RUNX1: variants seen among roughly 807,000 people sequenced by gnomAD.
The protein encoded by RUNX1 is RUNX family transcription factor 1, also known as runt-related transcription factor 1.
A neutral mutation model predicts 42.8 loss-of-function variants in RUNX1; 19 were observed. That is an observed-to-expected ratio of 0.44 (90% CI 0.31 to 0.65). The LOEUF is 0.65. RUNX1 is among the 30% of genes least tolerant of loss of function. RUNX1 has a pLI of 0.07. For synonymous variants in RUNX1, 271 were observed against 289.4 expected, an observed-to-expected ratio of 0.94 and a Z score of 0.64; for missense variants, 528 against 672.0, an observed-to-expected ratio of 0.79 and a Z score of 2.37.
chr21:34,910,858 G>T (rs1225367403), intron 2 of RUNX1, among the ~76,000 whole-genome samples: 1 of 151,842 alleles, frequency 6.6e-6, no homozygotes, highest in African/African-American at 2.4e-5. Context: ...GCAGGCTCCA[G>T]CTCCTGGGTT....
At chr21:34,915,870 T>C (rs2058308250) in intron 2 of RUNX1, among the ~76,000 whole-genome samples, 1 of 152,218 alleles carries the variant, frequency 6.6e-6, no homozygotes, top group South Asian at 2.1e-4. Context: ...GTGCTGAATA[T>C]CAACAGCCTC....
chr21:34,922,677 GT>G (rs2058362671), intron 2 of RUNX1, among the ~76,000 whole-genome samples: 2 of 152,146 alleles, frequency 1.3e-5, no homozygotes, highest in South Asian at 4.1e-4. Context: ...GCCTGCTGGA[GT>G]CCCCCCTGGT....
intron 2 of RUNX1, among the ~76,000 whole-genome samples, chr21:34,965,078 T>A (rs574695593): frequency 1.3e-5 from 2 of 151,754 alleles, no homozygotes; most frequent in African/African-American, 4.8e-5. Flanking sequence ...ACATGCTACA[T>A]CCACACATAC....
intron 2 of RUNX1, among the ~76,000 whole-genome samples, chr21:34,972,913 C>G (rs1457585163): frequency 6.6e-6 from 1 of 152,138 alleles, no homozygotes; most frequent in African/African-American, 2.4e-5. Flanking sequence ...GATCATTAAT[C>G]TATTATTTTT....
In RUNX1 at chr21:34,920,335, C is replaced by T. The variant is rs903510537; in HGVS notation, c.59-27372G>A. ...GGCAAATTATGGCCATTATTAGAGACGGTGATTGTCCCATTTCTGCACAAT... is the reference window on the plus strand; with the variant it reads ...GGCAAATTATGGCCATTATTAGAGATGGTGATTGTCCCATTTCTGCACAAT... On this transcript the variant is annotated intron_variant, in intron 2 of 8. Transcript: ENST00000675419. 3.2e-4 allele frequency among the ~76,000 whole-genome samples: 48 copies of T among 152,232 alleles called. 1 individual carries two copies. The highest frequency in any genetic ancestry group is 2.8e-3 in the Admixed American group (43 of 15,286).
At chr21:34,906,221 C>T (rs572764978) in intron 2 of RUNX1, among the ~76,000 whole-genome samples, 11 of 152,230 alleles carry the variant, frequency 7.2e-5, no homozygotes, top group Admixed American at 5.9e-4. Context: ...CAGCAGCCTA[C>T]GAATGCATTA....
At chr21:34,928,615 G>T (rs1347785970) in intron 2 of RUNX1, among the ~76,000 whole-genome samples, 1 of 151,838 alleles carries the variant, frequency 6.6e-6, no homozygotes, top group Non-Finnish European at 1.5e-5. Flanking sequence ...CAGAGGTGGA[G>T]GTTGCAGTGA....
At chr21:34,906,324 A>AC (rs2058219351) in intron 2 of RUNX1, among the ~76,000 whole-genome samples, 1 of 152,222 alleles carries the variant, frequency 6.6e-6, no homozygotes, top group Admixed American at 6.5e-5. Flanking sequence ...CTAGTCCGTG[A>AC]GGACAGAGAA....
intron 2 of RUNX1, among the ~76,000 whole-genome samples, chr21:35,031,480 C>T (rs536181069): frequency 6.6e-6 from 1 of 152,146 alleles, no homozygotes; most frequent in South Asian, 2.1e-4. Context: ...AAATAGACTA[C>T]CCTATGATCC....
intron 7 of RUNX1, among the ~76,000 whole-genome samples, chr21:34,823,663 G>A (rs1362440852): frequency 1.3e-5 from 2 of 151,904 alleles, no homozygotes; most frequent in Non-Finnish European, 1.5e-5. Flanking sequence ...GGCTGGTCTC[G>A]AACTCCTGAC....
intron 7 of RUNX1, among the ~76,000 whole-genome samples, chr21:34,804,182 T>C (rs993459966): frequency 6.6e-6 from 1 of 152,170 alleles, no homozygotes; most frequent in Non-Finnish European, 1.5e-5. Context: ...TTTTGACAGA[T>C]TGCTAGAGGC....
In RUNX1 at chr21:34,792,105, G is replaced by T. The variant is rs747944899; in HGVS notation, c.*30C>A. 4.5e-6 allele frequency: 6 copies of T among 1,327,628 alleles called. No homozygotes were observed. The highest frequency in any genetic ancestry group is 4.0e-5 in the Admixed American group (1 of 25,074). The allele number at this position is 1,327,628 out of a possible 1,614,324, so 82.2% of individuals were successfully genotyped here. On this transcript the variant is annotated 3_prime_UTR_variant, in exon 9 of 9. Coordinates refer to ENST00000675419, the MANE Select transcript of RUNX1 (RefSeq NM_001754.5). This position sits in a 1 kb window ranked among gnomAD's most constrained non-coding sequence, Gnocchi z 6.9. ...CGCCCGGAGGCGAAGGCGGCGGCCC[G>T]CGGGGCCCAGCCGGGCCAGGCCTGG...
chr21:34,975,405 T>C (rs552962844), intron 2 of RUNX1, among the ~76,000 whole-genome samples: 20 of 152,338 alleles, frequency 1.3e-4, no homozygotes, highest in Admixed American at 1.1e-3. Context: ...AACAATACAG[T>C]ATAACAACTA....
intron 6 of RUNX1, among the ~76,000 whole-genome samples, chr21:34,842,677 G>A (rs1232800455): frequency 6.6e-6 from 1 of 151,946 alleles, no homozygotes; most frequent in African/African-American, 2.4e-5. Context: ...CACACACAGA[G>A]AGACATACAA....
At chr21:35,017,514 TA>T (rs1489563926) in intron 2 of RUNX1, among the ~76,000 whole-genome samples, 2 of 152,144 alleles carry the variant, frequency 1.3e-5, no homozygotes, top group Admixed American at 1.3e-4. Context: ...CCAGTTGTGA[TA>T]GGGGCCAAGG....
chr21:35,002,406 ATTT>A (rs1161598514), intron 2 of RUNX1, among the ~76,000 whole-genome samples: 4 of 148,314 alleles, frequency 2.7e-5, no homozygotes, highest in South Asian at 4.2e-4. Flanking sequence ...TTATTTATTT[ATTT>A]ATTTATTTAT....
At chr21:35,031,203 C>G (rs2059270590) in intron 2 of RUNX1, among the ~76,000 whole-genome samples, 1 of 152,182 alleles carries the variant, frequency 6.6e-6, no homozygotes, top group African/African-American at 2.4e-5. Context: ...ACAAAATTAG[C>G]TGGGCATGGT....
intron 7 of RUNX1, among the ~76,000 whole-genome samples, chr21:34,813,387 C>G (rs370918082): frequency 2.0e-5 from 3 of 152,124 alleles, no homozygotes. Context: ...TCTTCAGGAT[C>G]GGGGAAAGCT....
chr21:35,035,340 T>G (rs968372047), intron 2 of RUNX1, among the ~76,000 whole-genome samples: 13 of 152,222 alleles, frequency 8.5e-5, no homozygotes, highest in East Asian at 3.9e-4. Flanking sequence ...ACACAGGCTC[T>G]CAGACCCCAC....
Sources: allele counts gnomAD v4.1 joint callset (sites outside exome capture counted in the v4.1 genomes callset), GRCh38; gene constraint gnomAD v4.1.1; non-coding constraint Gnocchi (gnomAD v3.1); transcripts MANE v1.5; gene names NCBI Gene and HGNC (gene_info 2026-07-23, HGNC 2026-07-21).